The following POU6F2 variants were observed in gnomAD, a reference collection of about 807,000 sequenced individuals.
POU6F2 encodes the protein POU class 6 homeobox 2, also known as POU domain, class 6, transcription factor 2.
In POU6F2, 31 loss-of-function variants were observed where a neutral mutation model predicts 71.3. The observed-to-expected ratio is 0.43, with a 90% confidence interval of 0.33 to 0.59. The LOEUF (loss-of-function observed/expected upper bound fraction) is 0.59, where lower values mean the gene tolerates loss of function less well. Among genes scored for constraint, POU6F2 ranks in the 20% least tolerant of loss-of-function variants. The probability of loss-of-function intolerance (pLI) is 0.04; values close to 1 mark genes in which losing one functional copy is unlikely to be tolerated. For synonymous variants in POU6F2, 347 were observed against 355.7 expected, an observed-to-expected ratio of 0.98 and a Z score of 0.27; for missense variants, 783 against 856.8, an observed-to-expected ratio of 0.91 and a Z score of 1.07.
chr7:39,329,392 G>A (rs73121835), intron 4 of POU6F2, among the ~76,000 whole-genome samples: 16,872 of 151,732 alleles, frequency 0.11, 1,178 homozygotes, highest in Non-Finnish European at 0.15. Context: ...GCCTCTCTGA[G>A]GGCAATTTCT....
In POU6F2 at chr7:39,028,408, A is replaced by G. The variant is rs570133982; in HGVS notation, c.105+50350A>G. 4.6e-5 allele frequency among the ~76,000 whole-genome samples: 7 copies of G among 152,250 alleles called. No individual in the cohort carries two copies. The South Asian group carries it at 1.2e-3, about 27-fold the overall frequency. ...CTTAACCCATTTCAACATTTAAAAG[A>G]CATACTCTTTTATATTTTTTAAACA... is the stretch of plus-strand genomic sequence containing the variant. On this transcript the variant is annotated intron_variant, in intron 1 of 9. Transcript: ENST00000518318.
chr7:38,996,274 G>C (rs1229021), intron 1 of POU6F2, among the ~76,000 whole-genome samples: 46,484 of 151,426 alleles, frequency 0.31, 7,349 homozygotes, highest in Non-Finnish European at 0.35. Flanking sequence ...CTCCCGACTT[G>C]AGGTGATCTG....
At chr7:39,228,916 A>G (rs1794521836) in intron 4 of POU6F2, among the ~76,000 whole-genome samples, 1 of 152,158 alleles carries the variant, frequency 6.6e-6, no homozygotes, top group Admixed American at 6.5e-5. Flanking sequence ...GGCTCTGCAG[A>G]AAGTGTCAAT....
intron 2 of POU6F2, among the ~76,000 whole-genome samples, chr7:39,173,581 G>A (rs1444694150): frequency 6.6e-6 from 1 of 152,222 alleles, no homozygotes; most frequent in Non-Finnish European, 1.5e-5. Flanking sequence ...TCTTGTCACT[G>A]TTTTTGGTAA....
At chr7:39,435,162 C>T (rs746201382) in intron 7 of POU6F2, among the ~76,000 whole-genome samples, 12 of 152,066 alleles carry the variant, frequency 7.9e-5, no homozygotes, top group African/African-American at 2.2e-4. Flanking sequence ...AATGGGATTG[C>T]GGGGTCAAAT....
rs146128764 is a variant in POU6F2 at position 39,330,966 on chromosome 7, G to C, written c.599-8676G>C. 1.5e-3 allele frequency among the ~76,000 whole-genome samples: 224 copies of C among 152,226 alleles called. 1 individual carries two copies. The highest frequency in any genetic ancestry group is 0.014 in the Middle Eastern group (4 of 294). Reference sequence around the variant, plus strand: ...CCTTCCCCACTCTCTGGTAAACACTGTTCTACTCTCTGCTTCTATGGCTTT... The same window carrying C: ...CCTTCCCCACTCTCTGGTAAACACTCTTCTACTCTCTGCTTCTATGGCTTT... On this transcript the variant is annotated intron_variant, in intron 4 of 9. Transcript: ENST00000518318.
At chr7:39,205,268 T>C (rs10249232) in intron 3 of POU6F2, among the ~76,000 whole-genome samples, 1,597 of 152,252 alleles carry the variant, frequency 0.01, 36 homozygotes, top group African/African-American at 0.037. Context: ...TGTCATACGC[T>C]TTATAATTTT....
chr7:39,253,868 G>C (rs1783970771), intron 4 of POU6F2, among the ~76,000 whole-genome samples: 1 of 152,134 alleles, frequency 6.6e-6, no homozygotes, highest in Non-Finnish European at 1.5e-5. Flanking sequence ...TTTTCTCTTA[G>C]AGTTTAGTCA....
At chr7:39,452,165 G>A (rs373389195) in intron 8 of POU6F2, among the ~76,000 whole-genome samples, 1 of 152,250 alleles carries the variant, frequency 6.6e-6, no homozygotes, top group African/African-American at 2.4e-5. Context: ...TGGGCGGGTG[G>A]GTGTGTGTGT....
At chr7:39,125,710 G>A (rs781037709) in intron 2 of POU6F2, among the ~76,000 whole-genome samples, 97 of 151,664 alleles carry the variant, frequency 6.4e-4, no homozygotes, top group Middle Eastern at 6.8e-3. Context: ...TCTCTCACAC[G>A]AACACACAAA....
intron 4 of POU6F2, among the ~76,000 whole-genome samples, chr7:39,268,248 T>C (rs1220611181): frequency 6.6e-6 from 1 of 152,126 alleles, no homozygotes; most frequent in African/African-American, 2.4e-5. Flanking sequence ...GTAGATAAAA[T>C]AAAATCACAT....
chr7:39,207,980 G>A (rs1208680699), intron 4 of POU6F2, among the ~76,000 whole-genome samples: 2 of 152,182 alleles, frequency 1.3e-5, no homozygotes, highest in African/African-American at 4.8e-5. Flanking sequence ...TTAGCCATGG[G>A]TAAAGAAAAG....
intron 7 of POU6F2, among the ~76,000 whole-genome samples, chr7:39,437,242 A>C (rs1329173655): frequency 6.6e-6 from 1 of 152,136 alleles, no homozygotes; most frequent in African/African-American, 2.4e-5. Flanking sequence ...CTGTGACTCC[A>C]TGTGGTCCTG....
chr7:39,242,309 C>T (rs1273188965), intron 4 of POU6F2, among the ~76,000 whole-genome samples: 1 of 151,912 alleles, frequency 6.6e-6, no homozygotes. Context: ...CTTTGCAATC[C>T]CACCGGCAGG....
chr7:39,269,100 A>G (rs1034342668), intron 4 of POU6F2, among the ~76,000 whole-genome samples: 1 of 152,160 alleles, frequency 6.6e-6, no homozygotes, highest in Admixed American at 6.5e-5. Flanking sequence ...GAGGGGTTAT[A>G]TTGATTTTTT....
intron 1 of POU6F2, among the ~76,000 whole-genome samples, chr7:39,078,079 G>A (rs941604773): frequency 2.6e-5 from 4 of 152,158 alleles, no homozygotes; most frequent in Non-Finnish European, 4.4e-5. Context: ...TTGCTACATC[G>A]TCCTCAAAGC....
At chr7:38,980,202 T>A (rs1788281804) in intron 1 of POU6F2, among the ~76,000 whole-genome samples, 3 of 152,168 alleles carry the variant, frequency 2.0e-5, no homozygotes, top group Admixed American at 6.5e-5. Flanking sequence ...TTCTCATAAT[T>A]TGTTAAAAAC....
chr7:39,003,748 C>CAA (rs34937385), intron 1 of POU6F2, among the ~76,000 whole-genome samples: 2 of 106,120 alleles, frequency 1.9e-5, no homozygotes, highest in Non-Finnish European at 4.0e-5. Flanking sequence ...GACTCCGTTT[C>CAA]AAAAAAAAAA....
intron 4 of POU6F2, among the ~76,000 whole-genome samples, chr7:39,265,640 G>C (rs752108365): frequency 6.6e-6 from 1 of 152,138 alleles, no homozygotes; most frequent in African/African-American, 2.4e-5. Context: ...ACCTGGTACC[G>C]CCAGAGCTGG....
Sources: allele counts gnomAD v4.1 joint callset (sites outside exome capture counted in the v4.1 genomes callset), GRCh38; gene constraint gnomAD v4.1.1; transcripts MANE v1.5; gene names NCBI Gene and HGNC (gene_info 2026-07-23, HGNC 2026-07-21).